RNF144B: variants seen among roughly 807,000 people sequenced by gnomAD.
RNF144B encodes the protein ring finger protein 144B.
Under a neutral mutation model 40.2 loss-of-function variants are expected in RNF144B, and 25 were observed. That is an observed-to-expected ratio of 0.62 (90% CI 0.45 to 0.87). The LOEUF (loss-of-function observed/expected upper bound fraction) is 0.87. Among genes scored for constraint, RNF144B ranks in the 40% least tolerant of loss-of-function variants. The probability of loss-of-function intolerance (pLI) is 0.00; values close to 1 mark genes in which losing one functional copy is unlikely to be tolerated. For synonymous variants in RNF144B, 145 were observed against 136.3 expected, an observed-to-expected ratio of 1.06 and a Z score of -0.44; for missense variants, 365 against 373.7, an observed-to-expected ratio of 0.98 and a Z score of 0.19.
rs1759548058 is a variant in RNF144B, at chr6:18,465,058, C to T, written c.903C>T (p.Ser301=). 3 of 1,613,648 alleles carry T rather than the reference C, an allele frequency of 1.9e-6. No individual in the cohort carries two copies. Among genetic ancestry groups the T allele is most frequent in the South Asian group, 1.1e-5 (1 of 91,004 alleles). ...CRGKKKKHDP[S]TT is the part of the protein sequence containing the mutation. The stretch of plus-strand genomic sequence containing the variant: ...GCAAGAAGAAAAAGCACGACCCATC[C>T]ACAACCTAAAGATCTCTGTGTTCAT... The change falls in exon 8 of 8, where the codon TCC becomes TCT. Residue 301 remains serine, a synonymous_variant. Coordinates refer to ENST00000259939, the MANE Select transcript of RNF144B (RefSeq NM_182757.4).
At chr6:18,436,648 G>A (rs1181041625) in intron 3 of RNF144B, among the ~76,000 whole-genome samples, 1 of 152,118 alleles carries the variant, frequency 6.6e-6, no homozygotes, top group Non-Finnish European at 1.5e-5. Flanking sequence ...CATACCACAA[G>A]ATACCTCTTC....
Position 18,442,049 on chromosome 6 carries a change from G to A in RNF144B, c.331+2305G>A, listed in dbSNP as rs898745779. Among the ~76,000 whole-genome samples, 4 of 152,212 alleles carry A rather than the reference G, an allele frequency of 2.6e-5. No homozygotes were observed. The highest frequency in any genetic ancestry group is 1.9e-4 in the East Asian group (1 of 5,186). On this transcript the variant is annotated intron_variant, in intron 4 of 7. Coordinates refer to ENST00000259939, the MANE Select transcript of RNF144B (RefSeq NM_182757.4). The surrounding 1 kb of genome is among the most constrained non-coding windows in gnomAD (Gnocchi z 4.3). Reference sequence around the variant, plus strand: ...ATTATTGATTGTCTTGTTGTCAGTGGGATTAGAACACTTGAAGTTAATTGG... The same window carrying A: ...ATTATTGATTGTCTTGTTGTCAGTGAGATTAGAACACTTGAAGTTAATTGG...
chr6:18,387,851 A>G (rs575978187), intron 1 of RNF144B, among the ~76,000 whole-genome samples: 1 of 152,338 alleles, frequency 6.6e-6, no homozygotes, highest in Non-Finnish European at 1.5e-5. Context: ...TTTCATTTCT[A>G]ATAAAACAGT....
rs907306090 is a variant in RNF144B, at chr6:18,395,646, G to A, written c.-36-3853G>A. Among the ~76,000 whole-genome samples the A allele has an allele frequency of 1.3e-5, 2 of 150,840 alleles. No individual in the cohort carries two copies. The highest frequency in any genetic ancestry group is 2.9e-5 in the Non-Finnish European group (2 of 67,830). On this transcript the variant is annotated intron_variant, in intron 1 of 7. Coordinates refer to ENST00000259939, the MANE Select transcript of RNF144B (RefSeq NM_182757.4). The surrounding 1 kb of genome is among the most constrained non-coding windows in gnomAD (Gnocchi z 4.5). Reference sequence around the variant, plus strand: ...TTTTTAACTATCCATTGTTGGTTTTGCCCAAAGTGAGAAACGAAAGGGTTG... The same window carrying A: ...TTTTTAACTATCCATTGTTGGTTTTACCCAAAGTGAGAAACGAAAGGGTTG...
Position 18,457,029 on chromosome 6 carries a change from C to T in RNF144B, c.332-126C>T. 1.2e-6 allele frequency: 1 copy of T among 817,546 alleles called. No individual in the cohort carries two copies. The highest frequency in any genetic ancestry group is 2.1e-6 in the Non-Finnish European group (1 of 476,944). 50.6% of individuals were successfully genotyped at this position (817,546 alleles called of 1,614,324 possible). The stretch of plus-strand genomic sequence containing the variant: ...TGAGCTGAAATCATGCCACTGTACT[C>T]CAGCCTGGGCGACAGAGTGAGACTC... On this transcript the variant is annotated intron_variant, in intron 4 of 7. Transcript: ENST00000259939. This position sits in a 1 kb window ranked among gnomAD's most constrained non-coding sequence, Gnocchi z 5.1.
chr6:18,429,820 T>G (rs1176458195), intron 3 of RNF144B, among the ~76,000 whole-genome samples: 1 of 152,168 alleles, frequency 6.6e-6, no homozygotes, highest in African/African-American at 2.4e-5. Context: ...CAAGTCTTAA[T>G]AAAGACCACA....
chr6:18,413,221 C>A (rs1795082191), intron 2 of RNF144B, among the ~76,000 whole-genome samples: 1 of 152,048 alleles, frequency 6.6e-6, no homozygotes, highest in African/African-American at 2.4e-5. Flanking sequence ...TTTTTGTTAG[C>A]ATGAAAATGG....
Position 18,410,996 on chromosome 6 carries a change from T to TC in RNF144B, c.165+11297_165+11298insC, listed in dbSNP as rs1795020378. Among the ~76,000 whole-genome samples, 2 of 151,664 alleles carry TC rather than the reference T, an allele frequency of 1.3e-5. No homozygotes were observed. Among genetic ancestry groups the TC allele is most frequent in the Non-Finnish European group, 2.9e-5 (2 of 67,836 alleles). The stretch of plus-strand genomic sequence containing the variant: ...CTTTTTTTTTCTTCTTTTCTTTTCT[T>TC]TTTTTTTGAGACGGAGTCTCATTCT... On this transcript the variant is annotated intron_variant, in intron 2 of 7. Transcript: ENST00000259939. This position sits in a 1 kb window ranked among gnomAD's most constrained non-coding sequence, Gnocchi z 4.6.
chr6:18,463,233 T>C, intron 6 of RNF144B, 58 bp from the exon 7 acceptor site: 3 of 1,098,940 alleles, frequency 2.7e-6, no homozygotes, highest in Non-Finnish European at 4.2e-6. Context: ...ATGTGGTCTG[T>C]ATTCATTTCT....
At chr6:18,411,272 C>T (rs758848010) in intron 2 of RNF144B, among the ~76,000 whole-genome samples, 54 of 151,528 alleles carry the variant, frequency 3.6e-4, no homozygotes, top group African/African-American at 5.6e-4. Flanking sequence ...AATAAGCCAC[C>T]GTGCCCAGTG....
Position 18,434,819 on chromosome 6 carries a change from C to T in RNF144B, c.271-4865C>T, listed in dbSNP as rs1758782118. Among the ~76,000 whole-genome samples, 1 of 152,108 alleles carries T rather than the reference C, an allele frequency of 6.6e-6. No individual in the cohort carries two copies. Among genetic ancestry groups the T allele is most frequent in the South Asian group, 2.1e-4 (1 of 4,826 alleles). On this transcript the variant is annotated intron_variant, in intron 3 of 7. Coordinates refer to ENST00000259939, the MANE Select transcript of RNF144B (RefSeq NM_182757.4). The surrounding 1 kb of genome is among the most constrained non-coding windows in gnomAD (Gnocchi z 4.1). ...TGTATTTTTAGTAGAGATGGGGTTT[C>T]ACCTTGTTAGCCAGGATGGTCTCAA...
chr6:18,403,210 T>C (rs955961002), intron 2 of RNF144B, among the ~76,000 whole-genome samples: 1 of 152,252 alleles, frequency 6.6e-6, no homozygotes, highest in Non-Finnish European at 1.5e-5. Flanking sequence ...ATAATGTTAA[T>C]TCAAGCGAAA....
intron 3 of RNF144B, among the ~76,000 whole-genome samples, chr6:18,437,379 C>T (rs1314426527): frequency 1.3e-5 from 2 of 151,952 alleles, no homozygotes; most frequent in Non-Finnish European, 2.9e-5. Flanking sequence ...TTTAAGGCTA[C>T]CTGAGCTATG....
chr6:18,440,302 A>AT (rs1410472926), intron 4 of RNF144B, among the ~76,000 whole-genome samples: 1 of 152,060 alleles, frequency 6.6e-6, no homozygotes, highest in Non-Finnish European at 1.5e-5. Flanking sequence ...TAAGAATTAT[A>AT]TTTTTACTTC....
intron 2 of RNF144B, among the ~76,000 whole-genome samples, chr6:18,421,790 G>C (rs987220770): frequency 6.6e-6 from 1 of 152,296 alleles, no homozygotes; most frequent in South Asian, 2.1e-4. Context: ...GGTGCTATGA[G>C]GGCAGACGGG....
rs1413537384 is a variant in RNF144B, at chr6:18,465,654, A to G, written c.*587A>G. ...TCCCGCTGTGATTTGGCAGAAACAC[A>G]ATAGGCTTCTCCTTGTGTGATCTCA... On this transcript the variant is annotated 3_prime_UTR_variant, in exon 8 of 8. Transcript: ENST00000259939. 6.6e-6 allele frequency: 1 copy of G among 152,606 alleles called. No individual in the cohort carries two copies. 9.5% of individuals were successfully genotyped at this position (152,606 alleles called of 1,614,324 possible).
At chr6:18,427,492 A>G in intron 2 of RNF144B, 89 bp from the exon 3 acceptor site, 1 of 792,350 alleles carries the variant, frequency 1.3e-6, no homozygotes, top group Non-Finnish European at 2.1e-6. Context: ...ACAGCCAATT[A>G]AGGAAGAAGA....
chr6:18,449,712 T>TAC (rs1554181759), intron 4 of RNF144B, among the ~76,000 whole-genome samples: 2 of 151,794 alleles, frequency 1.3e-5, no homozygotes, highest in South Asian at 2.1e-4. Flanking sequence ...TATATATATA[T>TAC]ACATTGTGGA....
intron 2 of RNF144B, among the ~76,000 whole-genome samples, chr6:18,408,808 A>G (rs1794967679): frequency 1.3e-5 from 2 of 152,136 alleles, no homozygotes; most frequent in Admixed American, 1.3e-4. Flanking sequence ...TGGTGAGAGT[A>G]TACCCCATAC....
Sources: allele counts gnomAD v4.1 joint callset (sites outside exome capture counted in the v4.1 genomes callset), GRCh38; gene constraint gnomAD v4.1.1; non-coding constraint Gnocchi (gnomAD v3.1); transcripts MANE v1.5; gene names NCBI Gene and HGNC (gene_info 2026-07-23, HGNC 2026-07-21).